FGF14: variants seen among roughly 807,000 people sequenced by gnomAD.
The protein encoded by FGF14 is fibroblast growth factor homologous factor 4.
Under a neutral mutation model 25.5 loss-of-function variants are expected in FGF14, and 5 were observed. That is an observed-to-expected ratio of 0.20 (90% CI 0.10 to 0.41). FGF14 has a LOEUF of 0.41. Among genes scored for constraint, FGF14 ranks in the 10% least tolerant of loss-of-function variants. The probability of loss-of-function intolerance (pLI) is 1.00; values close to 1 mark genes in which losing one functional copy is unlikely to be tolerated. For synonymous variants in FGF14, 138 were observed against 118.3 expected, an observed-to-expected ratio of 1.17 and a Z score of -1.08; for missense variants, 222 against 320.1, an observed-to-expected ratio of 0.69 and a Z score of 2.34.
chr13:102,144,471 A>C (rs2046770071), intron 1 of FGF14, among the ~76,000 whole-genome samples: 1 of 152,046 alleles, frequency 6.6e-6, no homozygotes, highest in African/African-American at 2.4e-5. Context: ...ATTTATATTA[A>C]ATGTATTATA....
intron 1 of FGF14, among the ~76,000 whole-genome samples, chr13:102,222,744 G>A (rs2050669229): frequency 6.6e-6 from 1 of 152,122 alleles, no homozygotes; most frequent in Non-Finnish European, 1.5e-5. Flanking sequence ...TTCTCCTTGA[G>A]TAGTCTTTGT....
chr13:102,397,431 T>G (rs761897717), intron 1 of FGF14, among the ~76,000 whole-genome samples: 1 of 152,128 alleles, frequency 6.6e-6, no homozygotes, highest in African/African-American at 2.4e-5. Context: ...AAAAAGAGAA[T>G]TGATGGAATG....
At chr13:101,796,620 T>C (rs2040539232) in intron 3 of FGF14, among the ~76,000 whole-genome samples, 1 of 151,912 alleles carries the variant, frequency 6.6e-6, no homozygotes, top group Admixed American at 6.6e-5. Context: ...ATAGTATTGG[T>C]ATCCTTATAA....
intron 1 of FGF14, among the ~76,000 whole-genome samples, chr13:102,243,080 A>G (rs556283389): frequency 6.6e-6 from 1 of 152,238 alleles, no homozygotes; most frequent in South Asian, 2.1e-4. Context: ...CTCATAAGCT[A>G]AAACAGGGAC....
intron 1 of FGF14, among the ~76,000 whole-genome samples, chr13:101,979,284 A>G (rs965758749): frequency 1.2e-4 from 19 of 152,258 alleles, no homozygotes; most frequent in Admixed American, 6.5e-5. Flanking sequence ...GCTTAGAACA[A>G]TATCAAGTAT....
chr13:102,098,952 TCA>T (rs1172833779), intron 1 of FGF14, among the ~76,000 whole-genome samples: 9 of 152,198 alleles, frequency 5.9e-5, no homozygotes, highest in African/African-American at 2.2e-4. Flanking sequence ...CTATTTTCTC[TCA>T]GTTTTCCTAG....
Position 101,913,327 on chromosome 13 carries a change from C to G in FGF14, c.193+3126G>C, listed in dbSNP as rs148083744. ...GAAAGGTGGGTTGCAGTCATGCTGC[C>G]TACCACACCATTAATAGCCATCTTG... On this transcript the variant is annotated intron_variant, in intron 1 of 4. Transcript: ENST00000376143. Among the ~76,000 whole-genome samples, 248 of 152,244 alleles carry G rather than the reference C, an allele frequency of 1.6e-3. 2 individuals carry two copies. Among genetic ancestry groups the G allele is most frequent in the African/African-American group, 5.7e-3 (235 of 41,530 alleles).
intron 1 of FGF14, among the ~76,000 whole-genome samples, chr13:102,057,105 A>C (rs2042466836): frequency 1.3e-5 from 2 of 152,004 alleles, no homozygotes; most frequent in African/African-American, 4.8e-5. Flanking sequence ...GATTTTGCTA[A>C]AATGAAAGCA....
chr13:102,122,649 G>A (rs915186999), intron 1 of FGF14, among the ~76,000 whole-genome samples: 1 of 152,048 alleles, frequency 6.6e-6, no homozygotes. Context: ...GATTTTAATA[G>A]AACTATTTAG....
intron 1 of FGF14, among the ~76,000 whole-genome samples, chr13:102,061,472 C>G (rs1451447998): frequency 1.3e-5 from 2 of 152,212 alleles, no homozygotes; most frequent in Non-Finnish European, 2.9e-5. Flanking sequence ...AGGGAAAACT[C>G]CTCCCATTTC....
At chr13:101,946,735 A>G (rs990674310) in intron 1 of FGF14, among the ~76,000 whole-genome samples, 1 of 152,196 alleles carries the variant, frequency 6.6e-6, no homozygotes, top group Non-Finnish European at 1.5e-5. Context: ...TCTTTTCTCC[A>G]AAGTCCTCCA....
intron 1 of FGF14, among the ~76,000 whole-genome samples, chr13:102,390,144 C>T (rs925598923): frequency 5.9e-5 from 9 of 152,008 alleles, no homozygotes; most frequent in African/African-American, 2.2e-4. Flanking sequence ...ATAGGTCAAA[C>T]TAAGGGGAGA....
intron 1 of FGF14, among the ~76,000 whole-genome samples, chr13:102,097,024 G>T (rs891540963): frequency 8.8e-6 from 1 of 113,840 alleles, no homozygotes; most frequent in Non-Finnish European, 2.0e-5. Flanking sequence ...CAAATGACTG[G>T]AGGACTTTTT....
chr13:102,372,003 G>A (rs1375167237), intron 1 of FGF14, among the ~76,000 whole-genome samples: 2 of 152,220 alleles, frequency 1.3e-5, no homozygotes, highest in African/African-American at 2.4e-5. Flanking sequence ...AAGTTCTTGG[G>A]ATCAGATAAG....
chr13:102,395,120 C>T (rs972503785), intron 1 of FGF14: 1 of 152,248 alleles, frequency 6.6e-6, no homozygotes, highest in Non-Finnish European at 1.5e-5. Flanking sequence ...TTTCAAACTG[C>T]CAAAGAGCAA....
intron 1 of FGF14, among the ~76,000 whole-genome samples, chr13:102,068,329 C>G (rs370925955): frequency 6.6e-6 from 1 of 152,210 alleles, no homozygotes; most frequent in South Asian, 2.1e-4. Context: ...TCACAGCCCT[C>G]GCTCGCTCTC....
intron 3 of FGF14, among the ~76,000 whole-genome samples, chr13:101,840,634 C>T (rs1257502333): frequency 1.3e-5 from 2 of 151,836 alleles, no homozygotes; most frequent in Non-Finnish European, 2.9e-5. Context: ...GCATTGCTAC[C>T]TACATTTAAA....
At chr13:101,848,481 A>G (rs2140346790) in intron 3 of FGF14, among the ~76,000 whole-genome samples, 1 of 152,192 alleles carries the variant, frequency 6.6e-6, no homozygotes, top group East Asian at 1.9e-4. Context: ...GAGGAGGCAA[A>G]AGAAATGAGT....
At chr13:102,249,991 G>T (rs748007720) in intron 1 of FGF14, among the ~76,000 whole-genome samples, 1 of 152,058 alleles carries the variant, frequency 6.6e-6, no homozygotes, top group African/African-American at 2.4e-5. Flanking sequence ...ACCAGGCCCA[G>T]CCACAAAAGA....
Sources: allele counts gnomAD v4.1 joint callset (sites outside exome capture counted in the v4.1 genomes callset), GRCh38; gene constraint gnomAD v4.1.1; transcripts MANE v1.5; gene names NCBI Gene and HGNC (gene_info 2026-07-23, HGNC 2026-07-21).